Variants in ADAM32 observed in about 807,000 individuals in gnomAD.
The protein encoded by ADAM32 is disintegrin and metalloproteinase domain-containing protein 32.
In ADAM32, 89 loss-of-function variants were observed where a neutral mutation model predicts 114.9. That is an observed-to-expected ratio of 0.77 (90% CI 0.65 to 0.92). The LOEUF (loss-of-function observed/expected upper bound fraction) is 0.92. ADAM32 is among the 40% of genes least tolerant of loss of function. The pLI is 0.00. For synonymous variants in ADAM32, 285 were observed against 307.5 expected (o/e 0.93, Z 0.77); for missense variants, 870 against 932.8 (o/e 0.93, Z 0.88).
At position 39,173,787 on chromosome 8, in the gene ADAM32, T is replaced by C. The variant is rs113340197; in HGVS notation, c.915+3790T>C. Among the ~76,000 whole-genome samples the C allele has an allele frequency of 2.6e-5, 4 of 152,240 alleles. 1 individual carries two copies. The highest frequency in any genetic ancestry group is 9.6e-5 in the African/African-American group (4 of 41,506). ...CCTAGATTTTCTTCAAAGGTTTTGA[T>C]AGTTTTGGGTTTTACATTTCAGTTT... On this transcript the variant is annotated intron_variant, in intron 10 of 24. Transcript: ENST00000379907.
At chr8:39,215,893 A>G (rs1473547797) in intron 12 of ADAM32, among the ~76,000 whole-genome samples, 3 of 152,020 alleles carry the variant, frequency 2.0e-5, no homozygotes, top group East Asian at 1.9e-4. Flanking sequence ...TTCTGTAAAT[A>G]TCTATTAGAT....
chr8:39,246,251 C>T, intron 17 of ADAM32, 85 bp downstream of exon 17: 2 of 1,210,608 alleles, frequency 1.7e-6, no homozygotes, highest in Non-Finnish European at 2.4e-6. Flanking sequence ...TTTTGGGTCA[C>T]TACCATGTGA....
chr8:39,264,402 A>C (rs1398437862), intron 19 of ADAM32, among the ~76,000 whole-genome samples: 1 of 152,132 alleles, frequency 6.6e-6, no homozygotes, highest in Non-Finnish European at 1.5e-5. Context: ...GTCAGAGGTA[A>C]TGTCACTTTG....
rs927726658 is a variant in ADAM32, at chr8:39,118,426, T to C, written c.138+261T>C. Among the ~76,000 whole-genome samples the C allele has an allele frequency of 2.0e-5, 3 of 152,156 alleles. No individual in the cohort carries two copies. In the East Asian group the frequency reaches 5.8e-4, roughly 29 times the overall value. On this transcript the variant is annotated intron_variant, in intron 2 of 24. Coordinates refer to ENST00000379907, the MANE Select transcript of ADAM32 (RefSeq NM_145004.7). ...AGAATGTAGAATTAAGTGTTTTATC[T>C]GAGTGATATCTAGGACATCAGCACA...
At chr8:39,172,357 A>G (rs1585452096) in intron 10 of ADAM32, among the ~76,000 whole-genome samples, 1 of 152,244 alleles carries the variant, frequency 6.6e-6, no homozygotes, top group East Asian at 1.9e-4. Flanking sequence ...TCTTGGGTAC[A>G]TATGCAGGAT....
intron 17 of ADAM32, 110 bp from the exon 18 acceptor site, chr8:39,254,304 C>T (rs761423142): frequency 3.3e-4 from 276 of 832,102 alleles, no homozygotes; most frequent in Non-Finnish European, 4.5e-4. Context: ...GAGACTGTCG[C>T]TCTAAATAAA....
At chr8:39,197,255 A>T (rs2129447675) in intron 11 of ADAM32, among the ~76,000 whole-genome samples, 1 of 152,026 alleles carries the variant, frequency 6.6e-6, no homozygotes, top group Admixed American at 6.5e-5. Context: ...ATATCTGTGT[A>T]TCAATTTTGT....
chr8:39,142,110 GA>G (rs142597319), intron 3 of ADAM32, among the ~76,000 whole-genome samples: 5,282 of 152,212 alleles, frequency 0.035, 112 homozygotes, highest in Non-Finnish European at 0.047. Context: ...ACGTGAGATG[GA>G]TTTCCTGAAT....
chr8:39,161,120 C>G (rs927751555), intron 7 of ADAM32, among the ~76,000 whole-genome samples, 155 bp downstream of exon 7: 1 of 152,148 alleles, frequency 6.6e-6, no homozygotes, highest in African/African-American at 2.4e-5. Context: ...ACTAAATAGT[C>G]AAAATGATAC....
chr8:39,158,506 C>A, intron 6 of ADAM32: 1 of 302,622 alleles, frequency 3.3e-6, no homozygotes, highest in South Asian at 3.6e-5. Context: ...TCTTGTTCAC[C>A]TTGGGTCCTA....
intron 11 of ADAM32, among the ~76,000 whole-genome samples, chr8:39,201,626 T>C (rs567579403): frequency 6.6e-6 from 1 of 152,326 alleles, no homozygotes; most frequent in Non-Finnish European, 1.5e-5. Flanking sequence ...TATTTCTTTC[T>C]CCTGCCTGAT....
At chr8:39,204,325 T>A (rs1807662790) in intron 11 of ADAM32, among the ~76,000 whole-genome samples, 1 of 152,256 alleles carries the variant, frequency 6.6e-6, no homozygotes, top group Admixed American at 6.5e-5. Flanking sequence ...GAGACTTTGT[T>A]CATTTCTTTT....
chr8:39,146,994 T>A, intron 3 of ADAM32, 136 bp from the exon 4 acceptor site: 1 of 308,200 alleles, frequency 3.2e-6, no homozygotes, highest in Non-Finnish European at 5.5e-6. Context: ...GGTGAATGGG[T>A]ATGGCTGTGT....
chr8:39,175,915 G>T (rs1805496839), intron 10 of ADAM32, among the ~76,000 whole-genome samples: 1 of 152,106 alleles, frequency 6.6e-6, no homozygotes. Context: ...TCTTGGAAGG[G>T]TGTTATGTGT....
Position 39,136,737 on chromosome 8 carries a change from G to A in ADAM32, c.200+19G>A, listed in dbSNP as rs574750620. ...AACAAAGGTAAATTTTTATTCTTTA[G>A]TTTTGGATTTTATTTTATTTCTATG... On this transcript the variant is annotated intron_variant, in intron 3 of 24. Coordinates refer to ENST00000379907, the MANE Select transcript of ADAM32 (RefSeq NM_145004.7). 2.1e-6 allele frequency: 3 copies of A among 1,427,214 alleles called. No homozygotes were observed. In the East Asian group the frequency reaches 7.6e-5, roughly 36 times the overall value. 88.4% of individuals were successfully genotyped at this position (1,427,214 alleles called of 1,614,324 possible). A position where few individuals can be genotyped will look rare whatever the true frequency, so the allele number is the denominator to read the frequency against.
chr8:39,123,578 T>C (rs1801919175), intron 2 of ADAM32, among the ~76,000 whole-genome samples: 1 of 152,196 alleles, frequency 6.6e-6, no homozygotes, highest in South Asian at 2.1e-4. Flanking sequence ...ACATTTAATA[T>C]GTATCGATTA....
At chr8:39,132,582 A>G (rs1337499587) in intron 2 of ADAM32, among the ~76,000 whole-genome samples, 1 of 152,338 alleles carries the variant, frequency 6.6e-6, no homozygotes, top group East Asian at 1.9e-4. Flanking sequence ...AAAAACTATT[A>G]AAGTCTTTTT....
chr8:39,270,875 G>T lies in ADAM32; in HGVS notation c.2163-1G>T. 2 of 1,608,412 alleles carry T rather than the reference G, an allele frequency of 1.2e-6. No individual in the cohort carries two copies. The highest frequency in any genetic ancestry group is 1.3e-5 in the African/African-American group (1 of 74,834). On this transcript the variant is annotated splice_acceptor_variant, in intron 19 of 24. Transcript: ENST00000379907. LOFTEE classifies it high-confidence loss of function. Reference sequence around the variant, plus strand: ...ATGAGACATTTTCAATTTCTTTTTAGATCTAAATCGGAAGGTAGCACACAG... The same window carrying T: ...ATGAGACATTTTCAATTTCTTTTTATATCTAAATCGGAAGGTAGCACACAG...
At chr8:39,227,019 A>G (rs566650122) in intron 14 of ADAM32, among the ~76,000 whole-genome samples, 1 of 152,200 alleles carries the variant, frequency 6.6e-6, no homozygotes, top group East Asian at 1.9e-4. Context: ...GGGAGGCAGG[A>G]CTAGATTACA....
Sources: gnomAD v4.1 joint callset for allele counts (sites outside exome capture counted in the v4.1 genomes callset) on GRCh38, gnomAD v4.1.1 for gene constraint, MANE v1.5 for transcripts, NCBI Gene and HGNC (gene_info 2026-07-23, HGNC 2026-07-21) for gene names.